Variants in CDC42SE2 observed in about 807,000 individuals in gnomAD.
CDC42SE2 encodes CDC42 small effector protein 2.
CDC42SE2 carries 3 observed loss-of-function variants against 11.5 expected under a neutral mutation model. The ratio of observed to expected loss-of-function variants is 0.26; its 90% CI spans 0.12 to 0.67. The LOEUF (loss-of-function observed/expected upper bound fraction) is 0.67. Ranked by LOEUF, CDC42SE2 falls within the 30% of genes least tolerant of loss-of-function variation. The pLI is 0.80. For missense variants in CDC42SE2, 82 were observed against 106.8 expected, an observed-to-expected ratio of 0.77 and a Z score of 1.02; for synonymous variants, 33 against 34.8, an observed-to-expected ratio of 0.95 and a Z score of 0.18.
chr5:131,385,491 A>G, intron 3 of CDC42SE2, 52 bp from the exon 4 acceptor site: 2 of 1,302,270 alleles, frequency 1.5e-6, no homozygotes, highest in Non-Finnish European at 1.1e-6. Flanking sequence ...ATCCATCAGA[A>G]TAAGTTGCTC....
At chr5:131,337,242 C>T (rs1358331585) in intron 2 of CDC42SE2, among the ~76,000 whole-genome samples, 1 of 152,164 alleles carries the variant, frequency 6.6e-6, no homozygotes, top group East Asian at 1.9e-4. Flanking sequence ...ACTCCAGACC[C>T]TGTTTGCCTG....
intron 4 of CDC42SE2, among the ~76,000 whole-genome samples, chr5:131,387,742 C>G (rs1253137296): frequency 1.3e-5 from 2 of 152,120 alleles, no homozygotes; most frequent in African/African-American, 2.4e-5. Flanking sequence ...GCACACCTGC[C>G]TCTTAATCTT....
In CDC42SE2 at chr5:131,279,462, C is replaced by T. The variant is rs1237074049; in HGVS notation, c.-455+15296C>T. 1.7e-4 allele frequency among the ~76,000 whole-genome samples: 24 copies of T among 138,240 alleles called. 1 individual carries two copies. Among genetic ancestry groups the T allele is most frequent in the Admixed American group, 1.1e-3 (15 of 14,056 alleles). The allele number at this position is 138,240 out of a possible 152,430, so 90.7% of individuals were successfully genotyped here. On this transcript the variant is annotated intron_variant, in intron 1 of 4. Coordinates refer to ENST00000505065, the MANE Select transcript of CDC42SE2 (RefSeq NM_001375635.1). The stretch of plus-strand genomic sequence containing the variant: ...CATTTTCTCAGCCCTCCCCCCCCCC[C>T]TTTCAGAATAATTTACATAAATACT...
chr5:131,288,238 T>C (rs1757381775), intron 1 of CDC42SE2, among the ~76,000 whole-genome samples: 2 of 151,134 alleles, frequency 1.3e-5, no homozygotes, highest in South Asian at 4.2e-4. Flanking sequence ...AAAAAAAAAA[T>C]TGTGGTAATG....
At chr5:131,347,370 C>T (rs1009789315) in intron 2 of CDC42SE2, among the ~76,000 whole-genome samples, 2 of 152,142 alleles carry the variant, frequency 1.3e-5, no homozygotes, top group African/African-American at 4.8e-5. Context: ...ACTATAAACA[C>T]CTCTATGCAA....
intron 2 of CDC42SE2, among the ~76,000 whole-genome samples, chr5:131,340,634 C>T (rs987284799): frequency 6.6e-6 from 1 of 151,988 alleles, no homozygotes; most frequent in Non-Finnish European, 1.5e-5. Context: ...AAGCTTACCA[C>T]CTTCTCAGTT....
intron 1 of CDC42SE2, among the ~76,000 whole-genome samples, chr5:131,305,115 C>T (rs1299151332): frequency 1.1e-5 from 1 of 92,878 alleles, no homozygotes; most frequent in African/African-American, 2.6e-5. Flanking sequence ...ATAAATTATA[C>T]AGTATATACT....
chr5:131,299,628 C>T lies in CDC42SE2; in HGVS notation c.-454-16348C>T, dbSNP rs181133413. 1.6e-4 allele frequency among the ~76,000 whole-genome samples: 24 copies of T among 152,252 alleles called. No individual in the cohort carries two copies. The East Asian group carries it at 4.2e-3, about 27-fold the overall frequency. On this transcript the variant is annotated intron_variant, in intron 1 of 4. Coordinates refer to ENST00000505065, the MANE Select transcript of CDC42SE2 (RefSeq NM_001375635.1). Reference sequence around the variant, plus strand: ...AGAGGTAGCACATCCTGTGGAGCTGCACTACATGCAGCTGGGTGTGAGGCT... The same window carrying T: ...AGAGGTAGCACATCCTGTGGAGCTGTACTACATGCAGCTGGGTGTGAGGCT...
intron 1 of CDC42SE2, among the ~76,000 whole-genome samples, chr5:131,295,049 C>A (rs544812912): frequency 6.6e-6 from 1 of 152,042 alleles, no homozygotes; most frequent in African/African-American, 2.4e-5. Context: ...ATCGCTTGAA[C>A]CTGGGAGGCG....
At chr5:131,382,118 C>A (rs1750345511) in intron 3 of CDC42SE2, among the ~76,000 whole-genome samples, 1 of 152,162 alleles carries the variant, frequency 6.6e-6, no homozygotes, top group East Asian at 1.9e-4. Flanking sequence ...GAAAAATACT[C>A]ACTATTATTT....
At chr5:131,247,994 T>C (rs1263413449) in intron 1 of CDC42SE2, among the ~76,000 whole-genome samples, 2 of 152,066 alleles carry the variant, frequency 1.3e-5, no homozygotes, top group Admixed American at 6.5e-5. Context: ...TAAAAATTAT[T>C]TACAATTTTT....
chr5:131,211,354 G>T, the CDC42SE2 span, among the ~76,000 whole-genome samples: 3 of 152,086 alleles, frequency 2.0e-5, no homozygotes, highest in Admixed American at 6.5e-5. Context: ...GAAATAAGTT[G>T]TTAGGAAAAT....
chr5:131,385,970 G>A (rs1226550402), intron 4 of CDC42SE2, among the ~76,000 whole-genome samples: 1 of 152,170 alleles, frequency 6.6e-6, no homozygotes, highest in East Asian at 1.9e-4. Flanking sequence ...TCCCACCAAA[G>A]AGACTTGGAT....
At chr5:131,341,595 G>C (rs1228041722) in intron 2 of CDC42SE2, among the ~76,000 whole-genome samples, 3 of 152,086 alleles carry the variant, frequency 2.0e-5, no homozygotes, top group Admixed American at 6.5e-5. Flanking sequence ...TACCAACTTA[G>C]AGCAGTTAGG....
At chr5:131,240,736 T>C (rs1224510316), upstream of CDC42SE2, among the ~76,000 whole-genome samples, 1 of 152,224 alleles carries the variant, frequency 6.6e-6, no homozygotes, top group East Asian at 1.9e-4. Context: ...ATAAAAGGGC[T>C]TATGGTGAAT....
chr5:131,251,354 A>G (rs535130451), intron 1 of CDC42SE2, among the ~76,000 whole-genome samples: 1 of 152,332 alleles, frequency 6.6e-6, no homozygotes, highest in Non-Finnish European at 1.5e-5. Context: ...ACTAAAGGTA[A>G]TCATTTTCAA....
Position 131,391,083 on chromosome 5 carries a change from G to A in CDC42SE2, c.247G>A (p.Ala83Thr), listed in dbSNP as rs148384937. 1 of 1,611,994 alleles carries A rather than the reference G, an allele frequency of 6.2e-7. No individual in the cohort carries two copies. Among genetic ancestry groups the A allele is most frequent in the Non-Finnish European group, 8.5e-7 (1 of 1,178,608 alleles). ...CCAGATGCAGCTCGTGGATACGAAG[G>A]CGGGATAGCCCTGGTCCTTTCTCCA... ...NVQMQLVDTK[A>T]G Residue 83 changes from alanine (A) to threonine (T), a missense_variant, in exon 5 of 5, where the codon GCG becomes ACG. By Grantham distance (58) the Ala-to-Thr change is moderately conservative (BLOSUM62 0). Transcript: ENST00000505065.
upstream of CDC42SE2, among the ~76,000 whole-genome samples, chr5:131,263,099 ATTT>A (rs370938077): frequency 2.3e-3 from 317 of 137,758 alleles, 1 homozygote; most frequent in African/African-American, 7.4e-3. Context: ...CACCAGGGTA[ATTT>A]TTTTTTTTTT....
chr5:131,337,572 G>A (rs940489552), intron 2 of CDC42SE2, among the ~76,000 whole-genome samples: 1 of 152,268 alleles, frequency 6.6e-6, no homozygotes, highest in African/African-American at 2.4e-5. Context: ...CAGAGGTGGA[G>A]TCTACAGAGG....
Sources: allele counts gnomAD v4.1 joint callset (sites outside exome capture counted in the v4.1 genomes callset), GRCh38; gene constraint gnomAD v4.1.1; transcripts MANE v1.5; gene names NCBI Gene and HGNC (gene_info 2026-07-23, HGNC 2026-07-21).